The following RIT2 variants were observed in gnomAD, a reference collection of about 807,000 sequenced individuals.
RIT2 encodes Ras like without CAAX 2.
Under a neutral mutation model 23.7 loss-of-function variants are expected in RIT2, and 24 were observed. That is an observed-to-expected ratio of 1.01 (90% CI 0.73 to 1.43). The LOEUF (loss-of-function observed/expected upper bound fraction) is 1.43, where lower values mean the gene tolerates loss of function less well. Ranked by LOEUF, RIT2 falls within the 40% of genes most tolerant of loss-of-function variation. RIT2 has a pLI of 0.00. For missense variants in RIT2, 236 were observed against 266.9 expected (o/e 0.88, Z 0.81); for synonymous variants, 107 against 91.1 (o/e 1.17, Z -0.99).
chr18:42,959,985 AG>A (rs1490906471), intron 3 of RIT2, among the ~76,000 whole-genome samples: 5 of 152,232 alleles, frequency 3.3e-5, no homozygotes, highest in African/African-American at 1.2e-4. Flanking sequence ...ACAAATACTG[AG>A]GTAAAAGAGG....
Position 42,743,529 on chromosome 18 carries a change from T to C in RIT2, c.618A>G (p.Lys206=). The change falls in exon 5 of 5, where the codon AAA becomes AAG. Residue 206 remains lysine (K), a synonymous_variant. Coordinates refer to ENST00000326695, the MANE Select transcript of RIT2 (RefSeq NM_002930.4). The part of the protein sequence containing the change: ...KRKDSLWKKL[K]GSLKKKRENM... Reference sequence around the variant, plus strand: ...TTTCTCTCTTCTTCTTCAAAGAACCTTTGAGCTTCTTCCACAGGCTGTCTT... The same window carrying C: ...TTTCTCTCTTCTTCTTCAAAGAACCCTTGAGCTTCTTCCACAGGCTGTCTT... 5 of 1,613,952 alleles carry C rather than the reference T, an allele frequency of 3.1e-6. No individual in the cohort carries two copies. Among genetic ancestry groups the C allele is most frequent in the Non-Finnish European group, 4.2e-6 (5 of 1,179,876 alleles).
intron 4 of RIT2, among the ~76,000 whole-genome samples, chr18:42,762,381 T>G (rs993569809): frequency 6.6e-6 from 1 of 152,238 alleles, no homozygotes; most frequent in Admixed American, 6.5e-5. Context: ...TATGGTTCTA[T>G]CTTTCTTTGT....
intron 1 of RIT2, among the ~76,000 whole-genome samples, chr18:43,096,939 T>C (rs1913568377): frequency 6.6e-6 from 1 of 151,920 alleles, no homozygotes; most frequent in Non-Finnish European, 1.5e-5. Context: ...AAAAATGTAA[T>C]GAAGGGATAA....
intron 2 of RIT2, among the ~76,000 whole-genome samples, chr18:43,016,575 C>T (rs1911480536): frequency 6.6e-6 from 1 of 151,662 alleles, no homozygotes; most frequent in Admixed American, 6.6e-5. Context: ...CCACCCTCTG[C>T]CCCAGGTAAG....
At chr18:42,757,788 C>A (rs980290231) in intron 4 of RIT2, among the ~76,000 whole-genome samples, 9 of 152,120 alleles carry the variant, frequency 5.9e-5, no homozygotes, top group Admixed American at 2.6e-4. Context: ...AGATCTCTGA[C>A]CCCATCCTTA....
chr18:42,749,794 A>T (rs1370880641), intron 4 of RIT2, among the ~76,000 whole-genome samples: 1 of 151,882 alleles, frequency 6.6e-6, no homozygotes, highest in African/African-American at 2.4e-5. Flanking sequence ...TAAACATTAG[A>T]CAAAAAATTA....
At chr18:42,850,951 A>G (rs528777510) in intron 4 of RIT2, among the ~76,000 whole-genome samples, 160 of 152,216 alleles carry the variant, frequency 1.1e-3, no homozygotes, top group Non-Finnish European at 7.3e-4. Flanking sequence ...TATAATTCCC[A>G]GAGGCCGGGA....
At chr18:42,810,128 A>T (rs1038471556) in intron 4 of RIT2, among the ~76,000 whole-genome samples, 1 of 130,646 alleles carries the variant, frequency 7.7e-6, no homozygotes, top group African/African-American at 4.2e-5. Flanking sequence ...GTATCAATTA[A>T]AAAAAATCCC....
chr18:42,974,461 A>G (rs1372188953), intron 2 of RIT2, among the ~76,000 whole-genome samples: 1 of 152,026 alleles, frequency 6.6e-6, no homozygotes, highest in East Asian at 1.9e-4. Flanking sequence ...GCAAAATTGC[A>G]TCCTATCACC....
At chr18:42,824,069 G>C (rs1376415616) in intron 4 of RIT2, among the ~76,000 whole-genome samples, 2 of 152,010 alleles carry the variant, frequency 1.3e-5, no homozygotes, top group African/African-American at 4.8e-5. Flanking sequence ...TAGTTATTCA[G>C]TAAATGATGT....
intron 3 of RIT2, among the ~76,000 whole-genome samples, chr18:42,934,898 T>C (rs1293194395): frequency 6.6e-6 from 1 of 152,166 alleles, no homozygotes; most frequent in Non-Finnish European, 1.5e-5. Context: ...TTGTTATTAT[T>C]TGATATCTAT....
At position 42,915,849 on chromosome 18, in the gene RIT2, G is replaced by A. The variant is rs186735305; in HGVS notation, c.426+7723C>T. 1.2e-3 allele frequency among the ~76,000 whole-genome samples: 183 copies of A among 151,472 alleles called. 1 individual carries two copies. Among genetic ancestry groups the A allele is most frequent in the African/African-American group, 4.0e-3 (164 of 41,338 alleles). On this transcript the variant is annotated intron_variant, in intron 4 of 4. Coordinates refer to ENST00000326695, the MANE Select transcript of RIT2 (RefSeq NM_002930.4). ...ATATTTTAAACATTTGTACATATGC[G>A]TGTATATATATATACATATGTTTGT...
chr18:42,963,997 C>T (rs1185597062), intron 3 of RIT2, among the ~76,000 whole-genome samples: 1 of 151,998 alleles, frequency 6.6e-6, no homozygotes, highest in Admixed American at 6.6e-5. Flanking sequence ...CGAGACCAGC[C>T]TGGCCAACAT....
At chr18:42,846,113 G>T (rs1038211589) in intron 4 of RIT2, among the ~76,000 whole-genome samples, 3 of 151,894 alleles carry the variant, frequency 2.0e-5, no homozygotes, top group African/African-American at 7.2e-5. Context: ...CAGCGATTTA[G>T]TTGTATTAAT....
intron 2 of RIT2, among the ~76,000 whole-genome samples, chr18:43,020,640 T>A (rs1911574248): frequency 6.6e-6 from 1 of 152,072 alleles, no homozygotes; most frequent in Non-Finnish European, 1.5e-5. Context: ...ACAACATGCA[T>A]GGTATTTTTA....
At chr18:42,918,371 A>C (rs1380161911) in intron 4 of RIT2, among the ~76,000 whole-genome samples, 3 of 152,110 alleles carry the variant, frequency 2.0e-5, no homozygotes, top group Admixed American at 1.3e-4. Context: ...ATTCACATTT[A>C]TTTAATTTAA....
In RIT2 at chr18:43,033,284, T is replaced by C. The variant is rs569626981; in HGVS notation, c.160+527A>G. The stretch of plus-strand genomic sequence containing the variant: ...AAAACTGGGTAGGAGGAATAAAACA[T>C]GGGTGGTGTTTTGGCTCTAGCAATA... On this transcript the variant is annotated intron_variant, in intron 2 of 4. Transcript: ENST00000326695. Among the ~76,000 whole-genome samples the C allele has an allele frequency of 4.6e-5, 7 of 152,226 alleles. No individual in the cohort carries two copies. The East Asian group carries it at 9.7e-4, about 21-fold the overall frequency.
chr18:43,040,241 G>T (rs2144293088), intron 1 of RIT2, among the ~76,000 whole-genome samples: 1 of 152,300 alleles, frequency 6.6e-6, no homozygotes, highest in Admixed American at 6.5e-5. Flanking sequence ...AAATTAAGCT[G>T]CATGCATGTG....
intron 2 of RIT2, among the ~76,000 whole-genome samples, chr18:43,017,536 T>C (rs1386494149): frequency 6.6e-6 from 1 of 152,048 alleles, no homozygotes; most frequent in South Asian, 2.1e-4. Flanking sequence ...ACTAAATATT[T>C]CATTGGTTAT....
Sources: gnomAD v4.1 joint callset for allele counts (sites outside exome capture counted in the v4.1 genomes callset) on GRCh38, gnomAD v4.1.1 for gene constraint, MANE v1.5 for transcripts, NCBI Gene and HGNC (gene_info 2026-07-23, HGNC 2026-07-21) for gene names.